RRP8: variants seen among roughly 807,000 people sequenced by gnomAD.
The protein encoded by RRP8 is ribosomal RNA processing 8.
Under a neutral mutation model 45.0 loss-of-function variants are expected in RRP8, and 48 were observed. The ratio of observed to expected loss-of-function variants is 1.07; its 90% CI spans 0.85 to 1.36. The LOEUF (loss-of-function observed/expected upper bound fraction) is 1.36. RRP8 is among the 40% of genes most tolerant of loss of function. RRP8 has a pLI of 0.00. For synonymous variants in RRP8, 274 were observed against 212.4 expected, an observed-to-expected ratio of 1.29 and a Z score of -2.52; for missense variants, 658 against 573.7, an observed-to-expected ratio of 1.15 and a Z score of -1.50.
rs1854285086 is a variant in RRP8 at position 6,599,224 on chromosome 11, T to A, written c.*922A>T. The A allele has an allele frequency of 6.6e-6, 1 of 152,184 alleles. No homozygotes were observed. The highest frequency in any genetic ancestry group is 2.4e-5 in the African/African-American group (1 of 41,426). 9.4% of individuals were successfully genotyped at this position (152,184 alleles called of 1,614,324 possible). A position where few individuals can be genotyped will look rare whatever the true frequency, so the allele number is the denominator to read the frequency against. On this transcript the variant is annotated 3_prime_UTR_variant, in exon 7 of 7. Transcript: ENST00000254605. ...CAGCCTCCAACCAGCCTAGGGAAGA[T>A]CTTCAAAAAACAATAAGGCTTACAA...
At chr11:6,600,346 T>C in intron 6 of RRP8, 81 bp from the exon 7 acceptor site, 6 of 1,302,936 alleles carry the variant, frequency 4.6e-6, no homozygotes, top group Non-Finnish European at 6.5e-6. Flanking sequence ...CTGCCTCTGC[T>C]CACAAAGCTT....
chr11:6,601,634 A>C (rs116533078), intron 2 of RRP8, 32 bp from the exon 3 acceptor site: 1 of 1,564,488 alleles, frequency 6.4e-7, no homozygotes, highest in East Asian at 2.2e-5. Flanking sequence ...GGTGCACATG[A>C]GGCAAGATCT....
At position 6,600,686 on chromosome 11, in the gene RRP8, ATT is replaced by A; in HGVS notation, c.1135_1136del (p.Asn379Ter). ...GCTCTTACCCTGGCTTCAGTACTCT[ATT>A]TGCCTCCTCTAGGAAGTCCCTGATG... ...TNIRDFLEEA[N>X]RVLKPGGLLK... On this transcript the variant is annotated frameshift_variant, in exon 5 of 7. Transcript: ENST00000254605. LOFTEE classifies it high-confidence loss of function. The A allele has an allele frequency of 6.2e-7, 1 of 1,614,016 alleles. No homozygotes were observed. The highest frequency in any genetic ancestry group is 2.2e-5 in the East Asian group (1 of 44,880).
In RRP8 at chr11:6,600,526, A is replaced by G; in HGVS notation, c.1211T>C (p.Leu404Pro). 1 of 1,613,998 alleles carries G rather than the reference A, an allele frequency of 6.2e-7. No individual in the cohort carries two copies. Among genetic ancestry groups the G allele is most frequent in the Non-Finnish European group, 8.5e-7 (1 of 1,180,026 alleles). ...GAAGCCTAGCTTGGTCACAGCCCGCAGAAAGGTTCGAACATCCTCAAAGCG... is the reference window on the plus strand; with the variant it reads ...GAAGCCTAGCTTGGTCACAGCCCGCGGAAAGGTTCGAACATCCTCAAAGCG... ...SSRFEDVRTF[L>P]RAVTKLGFKI... Residue 404 changes from leucine (L) to proline (P), a missense_variant, in exon 6 of 7, where the codon CTG (leucine) becomes CCG (proline). By Grantham distance (98) the Leu-to-Pro change is moderately conservative. Coordinates refer to ENST00000254605, the MANE Select transcript of RRP8 (RefSeq NM_015324.4).
In RRP8 at chr11:6,601,589, C is replaced by T. The variant is rs2134500004; in HGVS notation, c.477G>A (p.Trp159Ter). 1 of 1,600,214 alleles carries T rather than the reference C, an allele frequency of 6.2e-7. No individual in the cohort carries two copies. Among genetic ancestry groups the T allele is most frequent in the Non-Finnish European group, 8.5e-7 (1 of 1,179,048 alleles). The change falls in exon 3 of 7, where the codon TGG becomes TGA. Residue 159 changes from tryptophan to a stop codon, truncating the protein, a stop_gained. Coordinates refer to ENST00000254605, the MANE Select transcript of RRP8 (RefSeq NM_015324.4). LOFTEE classifies it high-confidence loss of function. ...DNVDQTGPKA[W>*]KGSTTNDPPK... ...GTGGATCATTTGTAGTACTACCCTTCCAGGCTTTGGGACCTACAGGGAGGG... is the reference window on the plus strand; with the variant it reads ...GTGGATCATTTGTAGTACTACCCTTTCAGGCTTTGGGACCTACAGGGAGGG...
chr11:6,601,162 C>G lies in RRP8; in HGVS notation c.904G>C (p.Asp302His). 6.2e-7 allele frequency: 1 copy of G among 1,613,932 alleles called. No individual in the cohort carries two copies. The highest frequency in any genetic ancestry group is 8.5e-7 in the Non-Finnish European group (1 of 1,179,904). ...PLQPVDRIARDLRQRPASLVV... is the reference protein window; with the variant it reads ...PLQPVDRIARHLRQRPASLVV... ...ACCCCCATTCACCGCTGGCGAAGAT[C>G]CCTGGCGATGCGGTCCACTGGCTGC... Residue 302 changes from aspartate to histidine, a missense_variant, in exon 3 of 7, where the codon GAT (aspartate) becomes CAT (histidine). Coordinates refer to ENST00000254605, the MANE Select transcript of RRP8 (RefSeq NM_015324.4).
chr11:6,596,650 G>A lies in RRP8; in HGVS notation c.*3496C>T, dbSNP rs544823067. 7.9e-5 allele frequency: 12 copies of A among 152,358 alleles called. No individual in the cohort carries two copies. The highest frequency in any genetic ancestry group is 1.3e-4 in the Non-Finnish European group (9 of 68,050). The allele number at this position is 152,358 out of a possible 1,614,324, so 9.4% of individuals were successfully genotyped here. ...GGTCAGAGAATTCACCTGGGAAGGA[G>A]GATGACCAGGGGATGAAAGGTTCTA... On this transcript the variant is annotated 3_prime_UTR_variant, in exon 7 of 7. Coordinates refer to ENST00000254605, the MANE Select transcript of RRP8 (RefSeq NM_015324.4).
chr11:6,603,394 A>G lies in RRP8; in HGVS notation c.99+10T>C. Reference sequence around the variant, plus strand: ...TGAAACAGCTCCCATTGCTCCCGCGAGTCACTCACCTTGTTTTGCGAGGAG... The same window carrying G: ...TGAAACAGCTCCCATTGCTCCCGCGGGTCACTCACCTTGTTTTGCGAGGAG... On this transcript the variant is annotated intron_variant, in intron 1 of 6. Transcript: ENST00000254605. 1 of 1,589,520 alleles carries G rather than the reference A, an allele frequency of 6.3e-7. No homozygotes were observed. The highest frequency in any genetic ancestry group is 1.3e-5 in the African/African-American group (1 of 74,258).
Position 6,601,984 on chromosome 11 carries a change from C to T in RRP8, c.331G>A (p.Glu111Lys). The T allele has an allele frequency of 1.9e-6, 3 of 1,614,158 alleles. No homozygotes were observed. Among genetic ancestry groups the T allele is most frequent in the Non-Finnish European group, 2.5e-6 (3 of 1,180,014 alleles). The change falls in exon 2 of 7, where the codon GAA becomes AAA. Residue 111 changes from glutamate (E) to lysine (K), a missense_variant. Physicochemically the swap from Glu to Lys is moderately conservative, Grantham distance 56. Coordinates refer to ENST00000254605, the MANE Select transcript of RRP8 (RefSeq NM_015324.4). The stretch of plus-strand genomic sequence containing the variant: ...TGTTTGTGGCATTTCTTCTTCCTTT[C>T]TACTTCTTCCTCAGAGTCACTGCAA... ...PPCSDSEEEV[E>K]RKKKCHKQAL...
chr11:6,601,597 TGGGACCTACAGGGA>T lies in RRP8; in HGVS notation c.464-9_468del. ...TTTGTAGTACTACCCTTCCAGGCTT[TGGGACCTACAGGGA>T]GGGAGATGGGAAGGTGCACATGAGG... On this transcript the variant is annotated splice_acceptor_variant and splice_polypyrimidine_tract_variant and coding_sequence_variant and intron_variant, in exon 3 of 7. Transcript: ENST00000254605. LOFTEE classifies it high-confidence loss of function. 2 of 1,598,816 alleles carry T rather than the reference TGGGACCTACAGGGA, an allele frequency of 1.3e-6. No individual in the cohort carries two copies. The highest frequency in any genetic ancestry group is 1.7e-6 in the Non-Finnish European group (2 of 1,178,530).
chr11:6,597,624 C>T lies in RRP8; in HGVS notation c.*2522G>A, dbSNP rs1854251628. 1 of 148,570 alleles carries T rather than the reference C, an allele frequency of 6.7e-6. No homozygotes were observed. The highest frequency in any genetic ancestry group is 2.1e-4 in the South Asian group (1 of 4,724). The allele number at this position is 148,570 out of a possible 1,614,324, so 9.2% of individuals were successfully genotyped here. A position where few individuals can be genotyped will look rare whatever the true frequency, so the allele number is the denominator to read the frequency against. On this transcript the variant is annotated 3_prime_UTR_variant, in exon 7 of 7. Transcript: ENST00000254605. ...AAAAAACACTGGCTGGGCACAGTGG[C>T]TCATGCCTGTAATCCCAGCACTTTG... is the stretch of plus-strand genomic sequence containing the variant.
rs1854230930 is a variant in RRP8 at position 6,596,465 on chromosome 11, T to C, written c.*3681A>G. On this transcript the variant is annotated 3_prime_UTR_variant, in exon 7 of 7. Transcript: ENST00000254605. ...TGTTCTCGAGGCAGTGAGAATCCAT[T>C]GAAGGATTTTAAGCAGAGAAGTGAC... 1 of 152,264 alleles carries C rather than the reference T, an allele frequency of 6.6e-6. No individual in the cohort carries two copies. Among genetic ancestry groups the C allele is most frequent in the Admixed American group, 6.5e-5 (1 of 15,276 alleles). The allele number at this position is 152,264 out of a possible 1,614,324, so 9.4% of individuals were successfully genotyped here.
chr11:6,602,833 G>A (rs565913971), intron 1 of RRP8, among the ~76,000 whole-genome samples: 1 of 152,274 alleles, frequency 6.6e-6, no homozygotes, highest in East Asian at 1.9e-4. Context: ...GTATTGTCGG[G>A]AAGGCTGATT....
At chr11:6,600,441 G>A (rs759319498) in intron 6 of RRP8, 45 bp downstream of exon 6, 9 of 1,564,954 alleles carry the variant, frequency 5.8e-6, no homozygotes, top group Admixed American at 1.7e-5. Flanking sequence ...CCCTGAATAG[G>A]GCCACATGAG....
At chr11:6,601,784 T>A in intron 2 of RRP8, 68 bp downstream of exon 2, 11 of 1,511,442 alleles carry the variant, frequency 7.3e-6, no homozygotes, top group Non-Finnish European at 9.8e-6. Flanking sequence ...ATCACTCTTG[T>A]ATGTAGAACC....
Position 6,597,367 on chromosome 11 carries a change from C to T in RRP8, c.*2779G>A, listed in dbSNP as rs1246709906. 1 of 152,100 alleles carries T rather than the reference C, an allele frequency of 6.6e-6. No individual in the cohort carries two copies. The highest frequency in any genetic ancestry group is 2.4e-5 in the African/African-American group (1 of 41,404). 9.4% of individuals were successfully genotyped at this position (152,100 alleles called of 1,614,324 possible). A position where few individuals can be genotyped will look rare whatever the true frequency, so the allele number is the denominator to read the frequency against. On this transcript the variant is annotated 3_prime_UTR_variant, in exon 7 of 7. Transcript: ENST00000254605. ...TCACTCTCAAATGATAAACTGGCTT[C>T]CTGCTCCCCTGAAAAAAAATCAAAG...
In RRP8 at chr11:6,596,540, A is replaced by G. The variant is rs895967235; in HGVS notation, c.*3606T>C. The G allele has an allele frequency of 1.1e-4, 17 of 152,226 alleles. No individual in the cohort carries two copies. Among genetic ancestry groups the G allele is most frequent in the Non-Finnish European group, 1.5e-5 (1 of 68,032 alleles). 9.4% of individuals were successfully genotyped at this position (152,226 alleles called of 1,614,324 possible). On this transcript the variant is annotated 3_prime_UTR_variant, in exon 7 of 7. Transcript: ENST00000254605. ...GATCACATGGCTGTGTGGAAAATTA[A>G]TTGCTTTAGGGACACGAGTAGAAGC...
At chr11:6,600,304 TCCC>T in intron 6 of RRP8, 39 bp from the exon 7 acceptor site, 1 of 1,439,804 alleles carries the variant, frequency 6.9e-7, no homozygotes, top group Non-Finnish European at 9.5e-7. Context: ...CAAATCCTCA[TCCC>T]AACTCCTTAA....
At chr11:6,600,290 G>C (rs1854310119) in intron 6 of RRP8, 25 bp from the exon 7 acceptor site, 2 of 1,497,316 alleles carry the variant, frequency 1.3e-6, no homozygotes, top group South Asian at 1.2e-5. Context: ...GACCCAGTGA[G>C]AACCAAATCC....
Sources: allele counts gnomAD v4.1 joint callset (sites outside exome capture counted in the v4.1 genomes callset), GRCh38; gene constraint gnomAD v4.1.1; transcripts MANE v1.5; gene names NCBI Gene and HGNC (gene_info 2026-07-23, HGNC 2026-07-21).